SYNE1: variants seen among roughly 807,000 people sequenced by gnomAD.
The protein encoded by SYNE1 is nesprin-1.
In SYNE1, 616 loss-of-function variants were observed where a neutral mutation model predicts 1,111.0. The ratio of observed to expected loss-of-function variants is 0.55; its 90% CI spans 0.52 to 0.59. SYNE1 has a LOEUF of 0.59. SYNE1 is among the 20% of genes least tolerant of loss of function. The pLI is 0.00. For missense variants in SYNE1, 10,006 were observed against 10,417.0 expected, an observed-to-expected ratio of 0.96 and a Z score of 1.72; for synonymous variants, 3,855 against 3,825.8, an observed-to-expected ratio of 1.01 and a Z score of -0.28.
chr6:152,536,390 TTA>T lies in SYNE1; in HGVS notation c.129+3568_129+3569del, dbSNP rs201245136. ...TATATATATAGTAATATATATATATTTATATATATACTATATATAGTAATATA... is the reference window on the plus strand; with the variant it reads ...TATATATATAGTAATATATATATATTTATATATACTATATATAGTAATATA... On this transcript the variant is annotated intron_variant, in intron 4 of 145. Coordinates refer to ENST00000367255, the MANE Select transcript of SYNE1 (RefSeq NM_182961.4). Among the ~76,000 whole-genome samples, 11 of 120,192 alleles carry T rather than the reference TTA, an allele frequency of 9.2e-5. 1 individual carries two copies. Among genetic ancestry groups the T allele is most frequent in the Admixed American group, 2.6e-4 (3 of 11,634 alleles). The allele number at this position is 120,192 out of a possible 152,430, so 78.9% of individuals were successfully genotyped here. A position where few individuals can be genotyped will look rare whatever the true frequency, so the allele number is the denominator to read the frequency against.
At chr6:152,149,167 C>T (rs77359368) in intron 136 of SYNE1, among the ~76,000 whole-genome samples, 1,629 of 152,256 alleles carry the variant, frequency 0.011, 65 homozygotes, top group East Asian at 0.096. Flanking sequence ...ATTTATCTTC[C>T]ATAGAAGATA....
intron 3 of SYNE1, among the ~76,000 whole-genome samples, chr6:152,552,435 TATATTTATATATTTAC>T (rs201389350): frequency 0.089 from 13,168 of 148,220 alleles, 1,105 homozygotes; most frequent in African/African-American, 0.22. Flanking sequence ...TATAAATACT[TATATTTATATATTTAC>T]ATATTTATAT....
chr6:152,303,522 C>A (rs760012819), intron 91 of SYNE1, among the ~76,000 whole-genome samples: 2 of 151,990 alleles, frequency 1.3e-5, no homozygotes, highest in Non-Finnish European at 2.9e-5. Flanking sequence ...CACATGCACA[C>A]ACACATATGT....
At chr6:152,199,109 C>T (rs1188590495) in intron 127 of SYNE1, among the ~76,000 whole-genome samples, 3 of 151,882 alleles carry the variant, frequency 2.0e-5, no homozygotes, top group Non-Finnish European at 4.4e-5. Context: ...TGATAAATTG[C>T]TAAGTCCTTC....
rs564649648 is a variant in SYNE1 at position 152,122,514 on chromosome 6, G to A, written c.26316C>T (p.Tyr8772=). 7 of 1,614,228 alleles carry A rather than the reference G, an allele frequency of 4.3e-6. No individual in the cohort carries two copies. The African/African-American group carries it at 8.0e-5, about 18-fold the overall frequency. Residue 8772 remains tyrosine, a synonymous_variant, in exon 146 of 146, where the codon TAC becomes TAT. Transcript: ENST00000367255. ...CAAAGTTGTTGGAGAGGGCACAGCT[G>A]TAGTCTTCCTCTGACATTGGTACAA... ...ACLVPMSEED[Y]SCALSNNFAR... is the part of the protein sequence containing the mutation.
Position 152,609,748 on chromosome 6 carries a change from G to T in SYNE1, c.67+18517C>A, listed in dbSNP as rs974406470. On this transcript the variant is annotated intron_variant, in intron 3 of 145. Transcript: ENST00000367255. ...GCCAACAGACACCTCATATAGGCAG[G>T]TCTATATGGGGATGAAGTTTCCAGG... is the stretch of plus-strand genomic sequence containing the variant. Among the ~76,000 whole-genome samples the T allele has an allele frequency of 1.2e-4, 18 of 152,248 alleles. 3 individuals are homozygous for T. Among genetic ancestry groups the T allele is most frequent in the Admixed American group, 8.5e-4 (13 of 15,294 alleles).
rs377058395 is a variant in SYNE1 at position 152,444,582 on chromosome 6, T to C, written c.3670-4A>G. The C allele has an allele frequency of 1.1e-4, 174 of 1,606,792 alleles. No individual in the cohort carries two copies. Among genetic ancestry groups the C allele is most frequent in the Non-Finnish European group, 1.4e-4 (167 of 1,178,014 alleles). On this transcript the variant is annotated splice_region_variant and splice_polypyrimidine_tract_variant and intron_variant, in intron 29 of 145. Transcript: ENST00000367255. ...AATTGCTTAGCATCTTTTCAACCTATATTTTCATGAAAAAAAAAAACACGT... is the reference window on the plus strand; with the variant it reads ...AATTGCTTAGCATCTTTTCAACCTACATTTTCATGAAAAAAAAAAACACGT...
At chr6:152,362,374 T>C in intron 63 of SYNE1, 51 bp from the exon 64 acceptor site, 1 of 1,611,858 alleles carries the variant, frequency 6.2e-7, no homozygotes, top group South Asian at 1.1e-5. Flanking sequence ...TCCTTAGGAG[T>C]CTAAAATGTC....
chr6:152,339,015 AT>A (rs1260128510), intron 75 of SYNE1, among the ~76,000 whole-genome samples: 4 of 152,244 alleles, frequency 2.6e-5, no homozygotes, highest in African/African-American at 9.6e-5. Flanking sequence ...CAGCGAATGA[AT>A]GGGACTAAGT....
Position 152,463,411 on chromosome 6 carries a change from T to C in SYNE1, c.2039A>G (p.Lys680Arg). Residue 680 changes from lysine to arginine, a missense_variant, in exon 19 of 146, where the codon AAG (lysine) becomes AGG (arginine). Physicochemically the swap from Lys to Arg is conservative, Grantham distance 26. Transcript: ENST00000367255. ...CCCATTTAGCAACAGTAATTGCTGC[T>C]TCAGGTCACGGGAAACCATCTCATC... ...TCDEMVSRDL[K>R]QQLLLLNGRW... is the part of the protein sequence containing the mutation. 6.2e-7 allele frequency: 1 copy of C among 1,613,876 alleles called. No homozygotes were observed. Among genetic ancestry groups the C allele is most frequent in the Non-Finnish European group, 8.5e-7 (1 of 1,179,826 alleles).
At position 152,255,855 on chromosome 6, in the gene SYNE1, T is replaced by C. The variant is rs575906190; in HGVS notation, c.19105-109A>G. 527 of 1,287,210 alleles carry C rather than the reference T, an allele frequency of 4.1e-4. 2 individuals are homozygous for C. The African/African-American group carries it at 7.1e-3, about 17-fold the overall frequency. 79.7% of individuals were successfully genotyped at this position (1,287,210 alleles called of 1,614,324 possible). On this transcript the variant is annotated intron_variant, in intron 102 of 145. Coordinates refer to ENST00000367255, the MANE Select transcript of SYNE1 (RefSeq NM_182961.4). ...GCTCACACCTGTAATCTGAGCACTT[T>C]GGTAGCCCAAAGCAGACAGATCACT...
chr6:152,346,606 C>G (rs947654875), intron 73 of SYNE1, among the ~76,000 whole-genome samples: 1 of 152,012 alleles, frequency 6.6e-6, no homozygotes, highest in African/African-American at 2.4e-5. Flanking sequence ...GTCAGGAGAT[C>G]GAAACCATCC....
At chr6:152,404,396 T>A in intron 45 of SYNE1, 82 bp from the exon 46 acceptor site, 1 of 1,060,584 alleles carries the variant, frequency 9.4e-7, no homozygotes, top group East Asian at 2.4e-5. Flanking sequence ...AAGAGCTAAC[T>A]TTGTCGAAAT....
intron 106 of SYNE1, among the ~76,000 whole-genome samples, chr6:152,244,335 A>G (rs1243444093): frequency 1.3e-5 from 2 of 152,184 alleles, no homozygotes; most frequent in Non-Finnish European, 2.9e-5. Context: ...AAACATATGA[A>G]TCTTAGCAGC....
At chr6:152,266,952 C>T (rs570205663) in intron 100 of SYNE1, among the ~76,000 whole-genome samples, 4 of 151,896 alleles carry the variant, frequency 2.6e-5, no homozygotes, top group South Asian at 4.2e-4. Context: ...TTATTATTGA[C>T]GGTCTATTCT....
At chr6:152,123,701 A>G (rs1440980259) in intron 145 of SYNE1, among the ~76,000 whole-genome samples, 1 of 152,252 alleles carries the variant, frequency 6.6e-6, no homozygotes, top group Admixed American at 6.5e-5. Context: ...ATGAACAAAA[A>G]TAAAAGATGT....
chr6:152,416,481 G>C lies in SYNE1; in HGVS notation c.5956C>G (p.Gln1986Glu). Residue 1986 changes from glutamine to glutamate, a missense_variant, in exon 41 of 146, where the codon CAG becomes GAG. Physicochemically the swap from Gln to Glu is conservative, Grantham distance 29 (BLOSUM62 2). Coordinates refer to ENST00000367255, the MANE Select transcript of SYNE1 (RefSeq NM_182961.4). ...ATGCTTTTCAGAAGCTCCTCTTTCTGGTCTTGGAATGCTTTTTTCAACACT... is the reference window on the plus strand; with the variant it reads ...ATGCTTTTCAGAAGCTCCTCTTTCTCGTCTTGGAATGCTTTTTTCAACACT... ...LAVLKKAFQD[Q>E]KEELLKSIED... 2.5e-6 allele frequency: 4 copies of C among 1,613,984 alleles called. No homozygotes were observed. The highest frequency in any genetic ancestry group is 3.4e-6 in the Non-Finnish European group (4 of 1,179,998).
intron 27 of SYNE1, among the ~76,000 whole-genome samples, chr6:152,450,139 T>C (rs986708921): frequency 9.9e-5 from 15 of 152,182 alleles, no homozygotes; most frequent in African/African-American, 3.4e-4. Context: ...GTTCTCATGA[T>C]AGTGAGTGAG....
At chr6:152,401,935 G>T (rs2097825730) in intron 46 of SYNE1, among the ~76,000 whole-genome samples, 4 of 152,216 alleles carry the variant, frequency 2.6e-5, no homozygotes, top group Admixed American at 2.6e-4. Flanking sequence ...AAACATCCTG[G>T]CCTATTTGGT....
Sources: allele counts gnomAD v4.1 joint callset (sites outside exome capture counted in the v4.1 genomes callset), GRCh38; gene constraint gnomAD v4.1.1; transcripts MANE v1.5; gene names NCBI Gene and HGNC (gene_info 2026-07-23, HGNC 2026-07-21).